ODR4: variants seen among roughly 807,000 people sequenced by gnomAD.
ODR4 encodes the protein protein odr-4 homolog.
ODR4 carries 47 observed loss-of-function variants against 60.2 expected under a neutral mutation model. The ratio of observed to expected loss-of-function variants is 0.78; its 90% CI spans 0.62 to 1.00. ODR4 has a LOEUF of 1.00. ODR4 is among the 50% of genes least tolerant of loss of function. The pLI is 0.00. For missense variants in ODR4, 488 were observed against 530.8 expected, an observed-to-expected ratio of 0.92 and a Z score of 0.79; for synonymous variants, 178 against 175.5, an observed-to-expected ratio of 1.01 and a Z score of -0.11.
At chr1:186,388,803 C>G (rs1318437553) in intron 5 of ODR4, among the ~76,000 whole-genome samples, 1 of 152,158 alleles carries the variant, frequency 6.6e-6, no homozygotes, top group Non-Finnish European at 1.5e-5. Context: ...TACCAGCTAT[C>G]TGCCCTGTAC....
At chr1:186,434,632 A>G in the ODR4 span, among the ~76,000 whole-genome samples, 5 of 152,202 alleles carry the variant, frequency 3.3e-5, no homozygotes, top group African/African-American at 4.8e-5. Context: ...GAAAAAATAA[A>G]TTGGAGATAC....
chr1:186,414,812 G>A (rs768257830), intron 12 of ODR4, among the ~76,000 whole-genome samples: 13 of 151,914 alleles, frequency 8.6e-5, no homozygotes, highest in Non-Finnish European at 1.5e-4. Context: ...GAGCCACTAC[G>A]TCCGGCCAAA....
At chr1:186,411,048 C>G (rs557048599) in intron 12 of ODR4, among the ~76,000 whole-genome samples, 1 of 152,040 alleles carries the variant, frequency 6.6e-6, no homozygotes, top group South Asian at 2.1e-4. Context: ...AATTATTTCC[C>G]TTTTTTTATT....
chr1:186,390,590 C>T (rs945320353), intron 6 of ODR4, 121 bp from the exon 7 acceptor site: 1 of 985,718 alleles, frequency 1.0e-6, no homozygotes, highest in Non-Finnish European at 1.5e-6. Context: ...AGGGTTTAGC[C>T]ATATATGTTA....
chr1:186,417,178 G>T (rs950200836), intron 12 of ODR4, among the ~76,000 whole-genome samples: 4 of 151,920 alleles, frequency 2.6e-5, no homozygotes, highest in Non-Finnish European at 5.9e-5. Context: ...GCCCAGGCTG[G>T]TCTTGAACTC....
intron 4 of ODR4, among the ~76,000 whole-genome samples, chr1:186,387,413 T>C (rs1048742679): frequency 6.6e-6 from 1 of 152,214 alleles, no homozygotes; most frequent in Non-Finnish European, 1.5e-5. Flanking sequence ...GGTGCTGAAT[T>C]GAGGGGGTTG....
chr1:186,432,452 A>G, the ODR4 span, among the ~76,000 whole-genome samples: 1 of 152,050 alleles, frequency 6.6e-6, no homozygotes, highest in Non-Finnish European at 1.5e-5. Context: ...GTGTAAAATA[A>G]TGTTTCTTTT....
downstream of ODR4, among the ~76,000 whole-genome samples, chr1:186,424,401 G>T (rs1008199630): frequency 1.3e-5 from 2 of 152,154 alleles, no homozygotes; most frequent in Non-Finnish European, 2.9e-5. Context: ...TAGTGGCAAG[G>T]TGTAACACAT....
At chr1:186,427,456 A>G in the ODR4 span, among the ~76,000 whole-genome samples, 1,487 of 152,236 alleles carry the variant, frequency 9.8e-3, 10 homozygotes, top group South Asian at 0.023. Context: ...ATGATATCGC[A>G]CCAATTTAGT....
intron 3 of ODR4, among the ~76,000 whole-genome samples, chr1:186,385,168 A>C (rs1013632620): frequency 2.6e-5 from 4 of 151,866 alleles, no homozygotes; most frequent in Non-Finnish European, 5.9e-5. Flanking sequence ...ATTTTTAATC[A>C]ATATTATTTT....
At chr1:186,393,403 C>G (rs1194114042) in intron 8 of ODR4, among the ~76,000 whole-genome samples, 3 of 152,176 alleles carry the variant, frequency 2.0e-5, no homozygotes, top group Non-Finnish European at 4.4e-5. Flanking sequence ...AACCAAAGGC[C>G]ACATGTTGTT....
chr1:186,388,402 C>A (rs1483354098), intron 4 of ODR4, 40 bp from the exon 5 acceptor site: 1 of 1,171,640 alleles, frequency 8.5e-7, no homozygotes, highest in Non-Finnish European at 1.2e-6. Context: ...CTTTTTTTTT[C>A]ATTTTACATT....
chr1:186,414,301 A>C (rs1038811739), intron 12 of ODR4, among the ~76,000 whole-genome samples: 4 of 152,178 alleles, frequency 2.6e-5, no homozygotes, highest in Non-Finnish European at 4.4e-5. Context: ...TTATTTGCTC[A>C]GAGTACGATC....
rs1042537616 is a variant in ODR4, at chr1:186,417,541, C to G, written c.1187-3C>G. 1 of 1,508,570 alleles carries G rather than the reference C, an allele frequency of 6.6e-7. No homozygotes were observed. Among genetic ancestry groups the G allele is most frequent in the Non-Finnish European group, 9.1e-7 (1 of 1,097,398 alleles). The allele number at this position is 1,508,570 out of a possible 1,614,324, so 93.4% of individuals were successfully genotyped here. ...GGAATTTATTATTATTATACCCTTT[C>G]AGCTTGTATGAGTTCTTCTATGAAT... On this transcript the variant is annotated splice_region_variant and splice_polypyrimidine_tract_variant and intron_variant, in intron 12 of 13. Transcript: ENST00000287859.
chr1:186,378,051 C>CAA (rs71557849), intron 1 of ODR4, among the ~76,000 whole-genome samples: 67 of 147,010 alleles, frequency 4.6e-4, no homozygotes, highest in African/African-American at 1.5e-3. Context: ...TCTCAAAAAA[C>CAA]AAAAAAAAAA....
chr1:186,416,260 G>A (rs1661560201), intron 12 of ODR4, among the ~76,000 whole-genome samples: 1 of 152,070 alleles, frequency 6.6e-6, no homozygotes, highest in African/African-American at 2.4e-5. Flanking sequence ...ATTAGACTGG[G>A]CATGGTGGCT....
chr1:186,385,440 G>T (rs763740593), intron 3 of ODR4, among the ~76,000 whole-genome samples: 1 of 151,180 alleles, frequency 6.6e-6, no homozygotes, highest in Non-Finnish European at 1.5e-5. Flanking sequence ...CTACACCAAA[G>T]CCCTGTCGGA....
chr1:186,408,848 A>G (rs1661269223), intron 12 of ODR4, among the ~76,000 whole-genome samples: 1 of 151,968 alleles, frequency 6.6e-6, no homozygotes. Context: ...AAAGAATAGG[A>G]AGAGAGAGTC....
chr1:186,424,403 G>T (rs532725049), downstream of ODR4, among the ~76,000 whole-genome samples: 2 of 152,174 alleles, frequency 1.3e-5, no homozygotes. Flanking sequence ...GTGGCAAGGT[G>T]TAACACATGA....
Sources: allele counts gnomAD v4.1 joint callset (sites outside exome capture counted in the v4.1 genomes callset), GRCh38; gene constraint gnomAD v4.1.1; transcripts MANE v1.5; gene names NCBI Gene and HGNC (gene_info 2026-07-23, HGNC 2026-07-21).